The following RHOBTB2 variants were observed in gnomAD, a reference collection of about 807,000 sequenced individuals.
The protein encoded by RHOBTB2 is rho-related BTB domain-containing protein 2.
Under a neutral mutation model 66.5 loss-of-function variants are expected in RHOBTB2, and 39 were observed. The ratio of observed to expected loss-of-function variants is 0.59; its 90% CI spans 0.45 to 0.77. The LOEUF is 0.77. RHOBTB2 is among the 30% of genes least tolerant of loss of function. The probability of loss-of-function intolerance (pLI) is 0.00; values close to 1 mark genes in which losing one functional copy is unlikely to be tolerated. For synonymous variants in RHOBTB2, 390 were observed against 395.0 expected, an observed-to-expected ratio of 0.99 and a Z score of 0.15; for missense variants, 755 against 999.1, an observed-to-expected ratio of 0.76 and a Z score of 3.29.
rs115588005 is a variant in RHOBTB2 at position 22,988,866 on chromosome 8, G to A, written c.-137+1303G>A. 1.3e-3 allele frequency among the ~76,000 whole-genome samples: 203 copies of A among 152,284 alleles called. 1 individual carries two copies. The highest frequency in any genetic ancestry group is 4.7e-3 in the African/African-American group (194 of 41,564). On this transcript the variant is annotated intron_variant, in intron 1 of 11. Coordinates refer to the RHOBTB2 transcript ENST00000519685. Reference sequence around the variant, plus strand: ...GGGGCTGAGGCTGATAGCCTCCACCGACACAGGTGGAGAAGGGCACGGGCT... The same window carrying A: ...GGGGCTGAGGCTGATAGCCTCCACCAACACAGGTGGAGAAGGGCACGGGCT...
chr8:22,955,489 TCTCA>T, the RHOBTB2 span, among the ~76,000 whole-genome samples: 4 of 152,068 alleles, frequency 2.6e-5, no homozygotes, highest in African/African-American at 4.8e-5. Flanking sequence ...CTTTGAAGAT[TCTCA>T]CTGTGGAGGT....
In RHOBTB2 at chr8:23,017,023, G is replaced by A. The variant is rs1004856029; in HGVS notation, c.1967-229G>A. Among the ~76,000 whole-genome samples the A allele has an allele frequency of 3.3e-5, 5 of 152,102 alleles. No homozygotes were observed. The East Asian group carries it at 9.6e-4, about 29-fold the overall frequency. On this transcript the variant is annotated intron_variant, in intron 9 of 9. Coordinates refer to ENST00000251822, the MANE Select transcript of RHOBTB2 (RefSeq NM_015178.3). This position sits in a 1 kb window ranked among gnomAD's most constrained non-coding sequence, Gnocchi z 5.3. ...CAGGAAGCCCTTGTCTAGATCGCCC[G>A]TCTTTGGAAAGGAACCCAGCTGGAA...
the RHOBTB2 span, among the ~76,000 whole-genome samples, chr8:22,954,307 G>T: frequency 6.6e-6 from 1 of 152,078 alleles, no homozygotes; most frequent in East Asian, 1.9e-4. Context: ...CACCAGACAG[G>T]TTTTTTTTGT....
intron 1 of RHOBTB2, among the ~76,000 whole-genome samples, chr8:22,990,691 C>G (rs1810403652): frequency 6.6e-6 from 1 of 152,176 alleles, no homozygotes. Flanking sequence ...CACAGACAAC[C>G]AGAAGGTTGA....
chr8:22,979,263 A>G, the RHOBTB2 span, among the ~76,000 whole-genome samples: 2 of 152,214 alleles, frequency 1.3e-5, no homozygotes, highest in Admixed American at 1.3e-4. Context: ...TGGTAAATAA[A>G]TAAATCTGTG....
intron 8 of RHOBTB2, among the ~76,000 whole-genome samples, chr8:23,015,239 C>T (rs906686350): frequency 8.5e-5 from 13 of 152,190 alleles, no homozygotes; most frequent in African/African-American, 3.1e-4. Flanking sequence ...CTTGCAGACA[C>T]CCCTGGGAAG....
At position 22,999,702 on chromosome 8, in the gene RHOBTB2, T is replaced by C; in HGVS notation, c.-414T>C. ...ACCTGGGACTGCAGCGCCAGGCGTCTTCGCGGCAGCGCCTTCGCCGCGGGC... is the reference window on the plus strand; with the variant it reads ...ACCTGGGACTGCAGCGCCAGGCGTCCTCGCGGCAGCGCCTTCGCCGCGGGC... On this transcript the variant is annotated 5_prime_UTR_variant, in exon 1 of 10. Transcript: ENST00000251822. 8.6e-7 allele frequency: 1 copy of C among 1,167,442 alleles called. No homozygotes were observed. The highest frequency in any genetic ancestry group is 1.1e-6 in the Non-Finnish European group (1 of 929,956). The allele number at this position is 1,167,442 out of a possible 1,614,324, so 72.3% of individuals were successfully genotyped here.
At position 23,005,397 on chromosome 8, in the gene RHOBTB2, T is replaced by C. The variant is rs2128803741; in HGVS notation, c.218T>C (p.Val73Ala). 6.2e-7 allele frequency: 1 copy of C among 1,613,814 alleles called. No homozygotes were observed. The highest frequency in any genetic ancestry group is 8.5e-7 in the Non-Finnish European group (1 of 1,179,802). Residue 73 changes from valine to alanine, a missense_variant, in exon 3 of 10, where the codon GTA (valine) becomes GCA (alanine). By Grantham distance (64) the Val-to-Ala change is moderately conservative. Transcript: ENST00000251822. ...QEVLERSRDV[V>A]DDVSVSLRLW... ...GTGCTGGAACGCTCCCGAGACGTGG[T>C]AGATGATGTCAGCGTCTCTCTGCGC... is the stretch of plus-strand genomic sequence containing the variant.
chr8:22,952,052 A>G, the RHOBTB2 span, among the ~76,000 whole-genome samples: 1 of 152,164 alleles, frequency 6.6e-6, no homozygotes, highest in Non-Finnish European at 1.5e-5. Flanking sequence ...AAATGTAATT[A>G]CAACCTTTAC....
Position 23,017,384 on chromosome 8 carries a change from GT to G in RHOBTB2, c.2101del (p.Trp701GlyfsTer64), listed in dbSNP as rs761714317. 10 of 1,614,030 alleles carry G rather than the reference GT, an allele frequency of 6.2e-6. No individual in the cohort carries two copies. Among genetic ancestry groups the G allele is most frequent in the Non-Finnish European group, 8.5e-6 (10 of 1,180,026 alleles). On this transcript the variant is annotated frameshift_variant, in exon 10 of 10. Transcript: ENST00000251822. LOFTEE classifies it high-confidence loss of function. This position sits in a 1 kb window ranked among gnomAD's most constrained non-coding sequence, Gnocchi z 5.3. ...YLHLKRQPKR[R>X]WLFWNSPSSP... ...CACCTCAAGCGGCAGCCCAAACGGC[GT>G]TGGCTCTTCTGGAACAGTCCATCCT... is the stretch of plus-strand genomic sequence containing the variant.
the RHOBTB2 span, among the ~76,000 whole-genome samples, chr8:22,960,939 C>A: frequency 4.6e-5 from 7 of 152,296 alleles, no homozygotes; most frequent in East Asian, 9.6e-4. Context: ...TTATTTCTAG[C>A]CCTGATCCCC....
At chr8:22,981,628 A>G in the RHOBTB2 span, among the ~76,000 whole-genome samples, 7 of 152,174 alleles carry the variant, frequency 4.6e-5, no homozygotes, top group African/African-American at 1.7e-4. Context: ...GTGGGGGTTG[A>G]AAGAGGGCAG....
Position 23,018,934 on chromosome 8 carries a change from T to G in RHOBTB2, c.*1465T>G, listed in dbSNP as rs1185602637. On this transcript the variant is annotated 3_prime_UTR_variant, in exon 10 of 10. Coordinates refer to ENST00000251822, the MANE Select transcript of RHOBTB2 (RefSeq NM_015178.3). Reference sequence around the variant, plus strand: ...GAGGAGGAGGGCGGGGCTGGAGGAATGTGGGGGATTGAAACTAGCTCCCAG... The same window carrying G: ...GAGGAGGAGGGCGGGGCTGGAGGAAGGTGGGGGATTGAAACTAGCTCCCAG... 1 of 152,164 alleles carries G rather than the reference T, an allele frequency of 6.6e-6. No homozygotes were observed. Among genetic ancestry groups the G allele is most frequent in the Non-Finnish European group, 1.5e-5 (1 of 68,024 alleles). 9.4% of individuals were successfully genotyped at this position (152,164 alleles called of 1,614,324 possible).
chr8:22,996,561 G>GTGTGTC (rs1563286347), upstream of RHOBTB2, among the ~76,000 whole-genome samples: 7 of 109,282 alleles, frequency 6.4e-5, no homozygotes, highest in Non-Finnish European at 9.4e-5. Context: ...GTGTGTGTGT[G>GTGTGTC]TGTGTGTCTG....
chr8:22,956,410 G>A, the RHOBTB2 span, among the ~76,000 whole-genome samples: 2 of 152,164 alleles, frequency 1.3e-5, no homozygotes, highest in African/African-American at 2.4e-5. Flanking sequence ...CCTCAGTGCT[G>A]TTCTCATGAT....
At chr8:23,014,173 A>C (rs1444067019) in intron 7 of RHOBTB2, among the ~76,000 whole-genome samples, 1 of 152,230 alleles carries the variant, frequency 6.6e-6, no homozygotes, top group Non-Finnish European at 1.5e-5. Flanking sequence ...TTATACTGAT[A>C]CTTCTAATTA....
rs762875840 is a variant in RHOBTB2 at position 23,005,365 on chromosome 8, T to C, written c.193-7T>C. Reference sequence around the variant, plus strand: ...CTTCGAGTCCCACTCTTCCTCCCCGTCCCCAGGTGCTGGAACGCTCCCGAG... The same window carrying C: ...CTTCGAGTCCCACTCTTCCTCCCCGCCCCCAGGTGCTGGAACGCTCCCGAG... On this transcript the variant is annotated splice_polypyrimidine_tract_variant and splice_region_variant and intron_variant, in intron 2 of 9. Coordinates refer to ENST00000251822, the MANE Select transcript of RHOBTB2 (RefSeq NM_015178.3). The C allele has an allele frequency of 1.2e-6, 2 of 1,609,092 alleles. No individual in the cohort carries two copies. Among genetic ancestry groups the C allele is most frequent in the South Asian group, 2.2e-5 (2 of 90,978 alleles).
intron 2 of RHOBTB2, among the ~76,000 whole-genome samples, chr8:22,994,407 G>A (rs1373601356): frequency 1.3e-5 from 2 of 152,156 alleles, no homozygotes; most frequent in East Asian, 1.9e-4. Context: ...GTCTCACCCC[G>A]CGCTGGACCC....
At position 23,017,616 on chromosome 8, in the gene RHOBTB2, C is replaced by T. The variant is rs915634330; in HGVS notation, c.*147C>T. 1.1e-5 allele frequency: 15 copies of T among 1,306,762 alleles called. No individual in the cohort carries two copies. The highest frequency in any genetic ancestry group is 3.0e-5 in the African/African-American group (2 of 67,664). The allele number at this position is 1,306,762 out of a possible 1,614,324, so 80.9% of individuals were successfully genotyped here. A position where few individuals can be genotyped will look rare whatever the true frequency, so the allele number is the denominator to read the frequency against. On this transcript the variant is annotated 3_prime_UTR_variant, in exon 10 of 10. Coordinates refer to ENST00000251822, the MANE Select transcript of RHOBTB2 (RefSeq NM_015178.3). This position sits in a 1 kb window ranked among gnomAD's most constrained non-coding sequence, Gnocchi z 5.3. ...GGGTGGAGCTCTTCTTACCAGCCAC[C>T]GTGGCTCAGCCAGAGAGGAGCTGAG...
Sources: gnomAD v4.1 joint callset for allele counts (sites outside exome capture counted in the v4.1 genomes callset) on GRCh38, gnomAD v4.1.1 for gene constraint, Gnocchi (gnomAD v3.1) non-coding constraint, MANE v1.5 for transcripts, NCBI Gene and HGNC (gene_info 2026-07-23, HGNC 2026-07-21) for gene names.